Variants in MMP8 observed in about 807,000 individuals in gnomAD.
MMP8 encodes the protein matrix metallopeptidase 8, also known as neutrophil collagenase.
Under a neutral mutation model 51.2 loss-of-function variants are expected in MMP8, and 67 were observed. That is an observed-to-expected ratio of 1.31 (90% CI 1.08 to 1.60). The LOEUF is 1.60. Among genes scored for constraint, MMP8 ranks in the 40% most tolerant of loss-of-function variants. MMP8 has a pLI of 0.00. For missense variants in MMP8, 654 were observed against 558.1 expected (o/e 1.17, Z -1.73); for synonymous variants, 225 against 191.0 (o/e 1.18, Z -1.47).
chr11:102,717,103 G>A (rs1565437986), intron 5 of MMP8, among the ~76,000 whole-genome samples: 1 of 152,092 alleles, frequency 6.6e-6, no homozygotes, highest in Non-Finnish European at 1.5e-5. Flanking sequence ...TCCCACCAGA[G>A]ACAGAAAAGG....
At position 102,721,527 on chromosome 11, in the gene MMP8, C is replaced by G; in HGVS notation, c.497-1G>C. 4.3e-6 allele frequency: 7 copies of G among 1,613,760 alleles called. No individual in the cohort carries two copies. Among genetic ancestry groups the G allele is most frequent in the Non-Finnish European group, 5.9e-6 (7 of 1,179,786 alleles). On this transcript the variant is annotated splice_acceptor_variant, in intron 3 of 9. Transcript: ENST00000236826. LOFTEE classifies it high-confidence loss of function. ...TCAAATGGAGAATTGTCACCGTGAT[C>G]TGAAATAAGAACATTTGTATTAGAT... is the stretch of plus-strand genomic sequence containing the variant.
Position 102,718,571 on chromosome 11 carries a change from G to A in MMP8, c.627C>T (p.Tyr209=). 1 of 1,613,872 alleles carries A rather than the reference G, an allele frequency of 6.2e-7. No individual in the cohort carries two copies. The highest frequency in any genetic ancestry group is 8.5e-7 in the Non-Finnish European group (1 of 1,179,840). Residue 209 remains tyrosine, a synonymous_variant, in exon 5 of 10, where the codon TAC becomes TAT. Coordinates refer to ENST00000236826, the MANE Select transcript of MMP8 (RefSeq NM_002424.3). ...EETWTNTSAN[Y]NLFLVAAHEF... is the part of the protein sequence containing the mutation. ...CATGAGCAGCAACAAGAAACAAGTT[G>A]TAATCTGAAATGCAAACACGGGTGG... is the stretch of plus-strand genomic sequence containing the variant.
rs552888374 is a variant in MMP8, at chr11:102,721,686, C to T, written c.424G>A (p.Val142Ile). 2.2e-5 allele frequency: 35 copies of T among 1,613,854 alleles called. No individual in the cohort carries two copies. The South Asian group carries it at 2.4e-4, about 11-fold the overall frequency. ...CTGGTGAAGATGAGAGGTGATGCAA[C>T]ACTCCAGAGTTCAAAGGCATCCTTG... ...AIKDAFELWS[V>I]ASPLIFTRIS... Residue 142 changes from valine to isoleucine, a missense_variant, in exon 3 of 10, where the codon GTT (valine) becomes ATT (isoleucine). Coordinates refer to ENST00000236826, the MANE Select transcript of MMP8 (RefSeq NM_002424.3).
chr11:102,724,840 T>A lies in MMP8; in HGVS notation c.16A>T (p.Thr6Ser). The A allele has an allele frequency of 6.2e-7, 1 of 1,609,852 alleles. No homozygotes were observed. Residue 6 changes from threonine (T) to serine (S), a missense_variant, in exon 1 of 10, where the codon ACG (threonine) becomes TCG (serine). Physicochemically the swap from Thr to Ser is moderately conservative, Grantham distance 58. Coordinates refer to ENST00000236826, the MANE Select transcript of MMP8 (RefSeq NM_002424.3). ...TGGAGTAAGAGCAGAAATGGAAGCG[T>A]CTTCAGGGAGAACATGATCTTCTCT... is the stretch of plus-strand genomic sequence containing the variant. The part of the protein sequence containing the change: MFSLK[T>S]LPFLLLLHVQ...
At position 102,718,584 on chromosome 11, in the gene MMP8, C is replaced by A. The variant is rs1482876649; in HGVS notation, c.623-9G>T. 4 of 1,613,596 alleles carry A rather than the reference C, an allele frequency of 2.5e-6. No homozygotes were observed. Among genetic ancestry groups the A allele is most frequent in the Non-Finnish European group, 3.4e-6 (4 of 1,179,764 alleles). ...AAGAAACAAGTTGTAATCTGAAATG[C>A]AAACACGGGTGGTAAACAGCTCAGT... On this transcript the variant is annotated splice_polypyrimidine_tract_variant and intron_variant, in intron 4 of 9. Transcript: ENST00000236826.
At position 102,723,068 on chromosome 11, in the gene MMP8, G is replaced by C. The variant is rs754938483; in HGVS notation, c.103-395C>G. Reference sequence around the variant, plus strand: ...TATCCTCTTCACTACTGTAGAAAAGGCTTATTTATTCTGCTGAACAAACAG... The same window carrying C: ...TATCCTCTTCACTACTGTAGAAAAGCCTTATTTATTCTGCTGAACAAACAG... On this transcript the variant is annotated intron_variant, in intron 1 of 9. Coordinates refer to ENST00000236826, the MANE Select transcript of MMP8 (RefSeq NM_002424.3). 4.0e-5 allele frequency: 52 copies of C among 1,288,826 alleles called. No individual in the cohort carries two copies. In the Middle Eastern group the frequency reaches 6.5e-4, roughly 16 times the overall value. The allele number at this position is 1,288,826 out of a possible 1,614,324, so 79.8% of individuals were successfully genotyped here. A position where few individuals can be genotyped will look rare whatever the true frequency, so the allele number is the denominator to read the frequency against.
intron 4 of MMP8, among the ~76,000 whole-genome samples, chr11:102,718,840 T>C (rs575785919): frequency 7.9e-5 from 12 of 152,202 alleles, no homozygotes; most frequent in Non-Finnish European, 1.8e-4. Flanking sequence ...AATTCTCACA[T>C]TTTACAAATG....
intron 4 of MMP8, 38 bp downstream of exon 4, chr11:102,721,363 T>G: frequency 1.2e-6 from 2 of 1,612,008 alleles, no homozygotes; most frequent in Non-Finnish European, 1.7e-6. Context: ...AAAGGTTAAT[T>G]CAGAAGCTGT....
rs1264803665 is a variant in MMP8 at position 102,712,835 on chromosome 11, A to G, written c.*513T>C. 1 of 152,550 alleles carries G rather than the reference A, an allele frequency of 6.6e-6. No homozygotes were observed. The highest frequency in any genetic ancestry group is 2.4e-5 in the African/African-American group (1 of 41,448). 9.4% of individuals were successfully genotyped at this position (152,550 alleles called of 1,614,324 possible). On this transcript the variant is annotated 3_prime_UTR_variant, in exon 10 of 10. Coordinates refer to ENST00000236826, the MANE Select transcript of MMP8 (RefSeq NM_002424.3). The stretch of plus-strand genomic sequence containing the variant: ...CAACATATCTTTTATGGGGGACACA[A>G]TTCAACCCACGAAACATATCATCTA...
intron 5 of MMP8, 147 bp from the exon 6 acceptor site, chr11:102,716,566 G>A: frequency 2.4e-6 from 1 of 414,380 alleles, no homozygotes; most frequent in Non-Finnish European, 4.3e-6. Flanking sequence ...AAGTATTAAA[G>A]TAATTGTATA....
chr11:102,719,052 C>T (rs1387792603), intron 4 of MMP8, among the ~76,000 whole-genome samples: 1 of 152,204 alleles, frequency 6.6e-6, no homozygotes, highest in African/African-American at 2.4e-5. Flanking sequence ...TTGGCTCCCT[C>T]ATCACCCACA....
chr11:102,718,630 A>T, intron 4 of MMP8, 55 bp from the exon 5 acceptor site: 1 of 1,604,006 alleles, frequency 6.2e-7, no homozygotes. Flanking sequence ...GGGTGGCAGA[A>T]ACATGATCTC....
In MMP8 at chr11:102,715,323, G is replaced by A; in HGVS notation, c.1017C>T (p.Asp339=). 6.2e-7 allele frequency: 1 copy of A among 1,611,290 alleles called. No individual in the cohort carries two copies. The highest frequency in any genetic ancestry group is 8.5e-7 in the Non-Finnish European group (1 of 1,179,162). Reference sequence around the variant, plus strand: ...AGTTACCTTTAAATAGGAAAATGAGGTCTCTGTCAAAATCTTCATAAGCAG... The same window carrying A: ...AGTTACCTTTAAATAGGAAAATGAGATCTCTGTCAAAATCTTCATAAGCAG... ...IQAAYEDFDR[D]LIFLFKGNQY... is the part of the protein sequence containing the mutation. The change falls in exon 7 of 10, where the codon GAC becomes GAT. Residue 339 remains aspartate (D), a synonymous_variant. Coordinates refer to ENST00000236826, the MANE Select transcript of MMP8 (RefSeq NM_002424.3).
intron 1 of MMP8, chr11:102,722,958 T>A: frequency 7.7e-7 from 1 of 1,296,254 alleles, no homozygotes; most frequent in African/African-American, 1.5e-5. Context: ...CAGGAGACTG[T>A]CTTCTTGTTT....
rs1393731175 is a variant in MMP8, at chr11:102,724,781, A to T, written c.75T>A (p.Ser25=). The T allele has an allele frequency of 6.2e-7, 1 of 1,604,524 alleles. No individual in the cohort carries two copies. The highest frequency in any genetic ancestry group is 1.1e-5 in the South Asian group (1 of 88,968). Residue 25 remains serine, a synonymous_variant, in exon 1 of 10, where the codon TCT becomes TCA. Coordinates refer to ENST00000236826, the MANE Select transcript of MMP8 (RefSeq NM_002424.3). ...GAACAGTTTTTGTATTTTTCTCTTT[A>T]GAAGATACAGGAAAGGCCTTGGAAA... ...VQISKAFPVS[S]KEKNTKTVQD...
chr11:102,719,166 T>G (rs1386195300), intron 4 of MMP8, among the ~76,000 whole-genome samples: 1 of 152,194 alleles, frequency 6.6e-6, no homozygotes, highest in Non-Finnish European at 1.5e-5. Flanking sequence ...TTCTCCATGT[T>G]TTAACTTCCA....
chr11:102,718,723 T>A, intron 4 of MMP8, 148 bp from the exon 5 acceptor site: 1 of 851,868 alleles, frequency 1.2e-6, no homozygotes, highest in Non-Finnish European at 1.8e-6. Context: ...TTCAGATACC[T>A]GAGAAAGTGG....
chr11:102,718,769 C>T (rs762904231), intron 4 of MMP8, among the ~76,000 whole-genome samples, 194 bp from the exon 5 acceptor site: 11 of 152,122 alleles, frequency 7.2e-5, no homozygotes, highest in South Asian at 2.1e-4. Context: ...TCATAGATGG[C>T]GACTAGGTGA....
Position 102,713,167 on chromosome 11 carries a change from C to T in MMP8, c.*181G>A. 1.8e-6 allele frequency: 1 copy of T among 557,738 alleles called. No homozygotes were observed. The highest frequency in any genetic ancestry group is 3.2e-6 in the Non-Finnish European group (1 of 312,732). The allele number at this position is 557,738 out of a possible 1,614,324, so 34.5% of individuals were successfully genotyped here. A position where few individuals can be genotyped will look rare whatever the true frequency, so the allele number is the denominator to read the frequency against. ...ATGGAATGTGTAAGAACTGAATAAG[C>T]CTCTGCAAATAGTGGAATATTCCAA... is the stretch of plus-strand genomic sequence containing the variant. On this transcript the variant is annotated 3_prime_UTR_variant, in exon 10 of 10. Transcript: ENST00000236826.
Sources: allele counts gnomAD v4.1 joint callset (sites outside exome capture counted in the v4.1 genomes callset), GRCh38; gene constraint gnomAD v4.1.1; transcripts MANE v1.5; gene names NCBI Gene and HGNC (gene_info 2026-07-23, HGNC 2026-07-21).